Variants in MTA3 observed in about 807,000 individuals in gnomAD.
The protein encoded by MTA3 is metastasis-associated protein MTA3.
A neutral mutation model predicts 83.5 loss-of-function variants in MTA3; 34 were observed. The ratio of observed to expected loss-of-function variants is 0.41; its 90% CI spans 0.31 to 0.54. The LOEUF (loss-of-function observed/expected upper bound fraction) is 0.54, where lower values mean the gene tolerates loss of function less well. Ranked by LOEUF, MTA3 falls within the 20% of genes least tolerant of loss-of-function variation. The pLI, the probability that MTA3 is intolerant of heterozygous loss-of-function variation, is 0.33. For synonymous variants in MTA3, 303 were observed against 252.7 expected (o/e 1.20, Z -1.89); for missense variants, 761 against 726.4 (o/e 1.05, Z -0.55).
At chr2:42,543,646 GA>G (rs1676623556) in intron 2 of MTA3, among the ~76,000 whole-genome samples, 1 of 132,696 alleles carries the variant, frequency 7.5e-6, no homozygotes, top group African/African-American at 2.9e-5. Flanking sequence ...GGAGGTTACT[GA>G]TTTTTTTTTT....
chr2:42,698,449 A>T (rs531585253), intron 11 of MTA3: 1 of 151,762 alleles, frequency 6.6e-6, no homozygotes, highest in South Asian at 2.1e-4. Flanking sequence ...TAATCCCAGC[A>T]CTTTGGGGAA....
intron 16 of MTA3, among the ~76,000 whole-genome samples, chr2:42,725,286 T>G (rs1272837088): frequency 6.6e-6 from 1 of 152,086 alleles, no homozygotes; most frequent in East Asian, 1.9e-4. Context: ...CCTAGAGAAG[T>G]GAATTAAATT....
chr2:42,644,671 C>T (rs1426893859), intron 6 of MTA3, among the ~76,000 whole-genome samples: 1 of 152,154 alleles, frequency 6.6e-6, no homozygotes, highest in Non-Finnish European at 1.5e-5. Flanking sequence ...AGGACAGTGT[C>T]TCTGTGTCAA....
At chr2:42,640,020 T>C in intron 4 of MTA3, among the ~76,000 whole-genome samples, 153 bp from the exon 5 acceptor site, 1 of 152,340 alleles carries the variant, frequency 6.6e-6, no homozygotes, top group Non-Finnish European at 1.5e-5. Context: ...ACATTAGGAT[T>C]GTAAAGTGGG....
At chr2:42,704,076 C>T (rs1553390384) in intron 11 of MTA3, 118 bp from the exon 12 acceptor site, 2 of 1,169,604 alleles carry the variant, frequency 1.7e-6, no homozygotes, top group East Asian at 5.3e-5. Context: ...TTCTTCTTCA[C>T]ACATTTTAAA....
At chr2:42,571,435 C>A (rs937217843) in intron 2 of MTA3, among the ~76,000 whole-genome samples, 14 of 148,934 alleles carry the variant, frequency 9.4e-5, no homozygotes, top group Non-Finnish European at 2.1e-4. Flanking sequence ...GAGTTATGCA[C>A]GATTCTGAAT....
rs533618722 is a variant in MTA3 at position 42,616,652 on chromosome 2, C to T, written c.317+7068C>T. Among the ~76,000 whole-genome samples, 511 of 132,978 alleles carry T rather than the reference C, an allele frequency of 3.8e-3. 7 individuals carry two copies. The highest frequency in any genetic ancestry group is 0.014 in the African/African-American group (484 of 35,210). 87.2% of individuals were successfully genotyped at this position (132,978 alleles called of 152,430 possible). On this transcript the variant is annotated intron_variant, in intron 4 of 16. Coordinates refer to ENST00000405094, the MANE Select transcript of MTA3 (RefSeq NM_001330442.2). ...GGAATGTAGTGGCACAATCATGGCT[C>T]ACTGCAGCCTCGTCCTCCCTGGCTG...
upstream of MTA3, chr2:42,568,236 G>T (rs1321221558): frequency 6.5e-6 from 1 of 153,340 alleles, no homozygotes; most frequent in Admixed American, 6.5e-5. Context: ...GGTAGGGAAG[G>T]AGGACCTGTC....
chr2:42,662,422 A>G (rs1689808674), intron 8 of MTA3, among the ~76,000 whole-genome samples: 1 of 151,592 alleles, frequency 6.6e-6, no homozygotes, highest in Non-Finnish European at 1.5e-5. Flanking sequence ...ATAGAGTTTA[A>G]TTTTGTGAAT....
chr2:42,637,404 A>G (rs371799918), intron 4 of MTA3, among the ~76,000 whole-genome samples: 1 of 152,216 alleles, frequency 6.6e-6, no homozygotes, highest in Non-Finnish European at 1.5e-5. Context: ...TGCCTATGGT[A>G]TCTGTATACG....
At chr2:42,534,634 C>T (rs1314488484) in intron 2 of MTA3, among the ~76,000 whole-genome samples, 1 of 152,062 alleles carries the variant, frequency 6.6e-6, no homozygotes, top group Non-Finnish European at 1.5e-5. Flanking sequence ...ATAAAATGGA[C>T]AAACCCCAAA....
chr2:42,660,591 G>C (rs1689602067), intron 8 of MTA3, among the ~76,000 whole-genome samples: 1 of 152,122 alleles, frequency 6.6e-6, no homozygotes, highest in African/African-American at 2.4e-5. Context: ...TTTGCTGATT[G>C]AAGTTACTTA....
chr2:42,554,081 A>G (rs1032645459), intron 2 of MTA3, among the ~76,000 whole-genome samples: 1 of 151,876 alleles, frequency 6.6e-6, no homozygotes, highest in Non-Finnish European at 1.5e-5. Context: ...CAAAAATACA[A>G]AAATTAGCCA....
At chr2:42,684,218 T>C (rs529313337) in intron 9 of MTA3, among the ~76,000 whole-genome samples, 1 of 152,350 alleles carries the variant, frequency 6.6e-6, no homozygotes, top group South Asian at 2.1e-4. Context: ...TTTTCATAAA[T>C]AGCTTTCTAT....
chr2:42,716,429 A>G (rs1300315407), intron 14 of MTA3, among the ~76,000 whole-genome samples: 6 of 152,058 alleles, frequency 3.9e-5, no homozygotes, highest in South Asian at 2.1e-4. Flanking sequence ...TCATCATCCA[A>G]TTATTAAGCC....
At chr2:42,728,300 A>T (rs1667966835) in intron 16 of MTA3, among the ~76,000 whole-genome samples, 1 of 152,174 alleles carries the variant, frequency 6.6e-6, no homozygotes, top group Non-Finnish European at 1.5e-5. Flanking sequence ...ATAGTACTCC[A>T]TTGTGTATAT....
chr2:42,605,756 C>T (rs970468663), intron 3 of MTA3, among the ~76,000 whole-genome samples: 4 of 124,864 alleles, frequency 3.2e-5, no homozygotes. Context: ...GCTGGCCGGG[C>T]AGAGGGGCTC....
At chr2:42,531,917 C>G (rs1443752693) in intron 2 of MTA3, among the ~76,000 whole-genome samples, 2 of 152,254 alleles carry the variant, frequency 1.3e-5, no homozygotes, top group East Asian at 3.9e-4. Context: ...CCACCACACC[C>G]AGCTAATTTT....
chr2:42,743,669 G>A (rs1457052374), intron 16 of MTA3, among the ~76,000 whole-genome samples: 1 of 152,176 alleles, frequency 6.6e-6, no homozygotes, highest in Non-Finnish European at 1.5e-5. Flanking sequence ...GACTCTGTAA[G>A]TACAATATTA....
Sources: allele counts gnomAD v4.1 joint callset (sites outside exome capture counted in the v4.1 genomes callset), GRCh38; gene constraint gnomAD v4.1.1; transcripts MANE v1.5; gene names NCBI Gene and HGNC (gene_info 2026-07-23, HGNC 2026-07-21).